Variants in KCNC1 observed in about 807,000 individuals in gnomAD.
KCNC1 encodes the protein potassium voltage-gated channel subfamily C member 1, also known as voltage-gated potassium channel KCNC1.
Under a neutral mutation model 43.4 loss-of-function variants are expected in KCNC1, and 8 were observed. That is an observed-to-expected ratio of 0.18 (90% confidence interval 0.11 to 0.33). The LOEUF (loss-of-function observed/expected upper bound fraction) is 0.33. Ranked by LOEUF, KCNC1 falls within the 10% of genes least tolerant of loss-of-function variation. KCNC1 has a pLI of 1.00. For missense variants in KCNC1, 420 were observed against 836.0 expected (o/e 0.50, Z 6.14); for synonymous variants, 361 against 360.5 (o/e 1.00, Z -0.01).
In KCNC1 at chr11:17,771,877, C is replaced by T. The variant is rs1849234156; in HGVS notation, c.783C>T (p.Leu261=). 3.7e-6 allele frequency: 6 copies of T among 1,614,242 alleles called. No individual in the cohort carries two copies. Among genetic ancestry groups the T allele is most frequent in the Non-Finnish European group, 3.4e-6 (4 of 1,180,040 alleles). The change falls in exon 2 of 4, where the codon CTC becomes CTT. Residue 261 remains leucine, a synonymous_variant. Transcript: ENST00000265969. This position sits in a 1 kb window ranked among gnomAD's most constrained non-coding sequence, Gnocchi z 4.7. ...VCVVWFTFEF[L]MRVIFCPNKV... is the part of the protein sequence containing the mutation. ...TGGTCTGGTTCACCTTCGAGTTCCT[C>T]ATGCGTGTCATCTTCTGCCCCAACA...
In KCNC1 at chr11:17,764,110, C is replaced by T. The variant is rs966991244; in HGVS notation, c.571-7555C>T. Among the ~76,000 whole-genome samples the T allele has an allele frequency of 3.6e-5, 5 of 140,246 alleles. No homozygotes were observed. The South Asian group carries it at 1.2e-3, about 33-fold the overall frequency. The allele number at this position is 140,246 out of a possible 152,430, so 92.0% of individuals were successfully genotyped here. ...ACTTGCATAGCCCCCCACACACCAC[C>T]ACACGTCTCCATAGACACACACACA... On this transcript the variant is annotated intron_variant, in intron 1 of 3. Coordinates refer to ENST00000265969, the MANE Select transcript of KCNC1 (RefSeq NM_001112741.2).
chr11:17,772,601 A>G lies in KCNC1; in HGVS notation c.1504+3A>G, dbSNP rs938417768. On this transcript the variant is annotated splice_donor_region_variant and intron_variant, in intron 2 of 3. Coordinates refer to ENST00000265969, the MANE Select transcript of KCNC1 (RefSeq NM_001112741.2). ...AATTTTAGAAATTAACAGAGCAGGT[A>G]GGAAACCTCTTAGAGGCATGTCGAT... 1.2e-6 allele frequency: 2 copies of G among 1,611,582 alleles called. No individual in the cohort carries two copies. Among genetic ancestry groups the G allele is most frequent in the African/African-American group, 2.7e-5 (2 of 74,928 alleles).
chr11:17,750,128 A>G (rs1269888286), intron 1 of KCNC1, among the ~76,000 whole-genome samples: 3 of 152,128 alleles, frequency 2.0e-5, no homozygotes, highest in Non-Finnish European at 4.4e-5. Context: ...CCTCGTGTGT[A>G]AGATTGGATG....
intron 1 of KCNC1, among the ~76,000 whole-genome samples, chr11:17,748,605 A>G (rs1264120708): frequency 6.6e-6 from 1 of 152,170 alleles, no homozygotes; most frequent in Admixed American, 6.5e-5. Flanking sequence ...CTAAAATAAA[A>G]TAATTTTTAA....
Position 17,773,574 on chromosome 11 carries a change from G to A in KCNC1, c.1504+976G>A, listed in dbSNP as rs1317225636. On this transcript the variant is annotated intron_variant, in intron 2 of 3. Coordinates refer to ENST00000265969, the MANE Select transcript of KCNC1 (RefSeq NM_001112741.2). This position sits in a 1 kb window ranked among gnomAD's most constrained non-coding sequence, Gnocchi z 4.1. ...CACTGGGGGCCGGGAGGGGGGAGGGGGGCATGAAACAATACTAGTCACCGT... is the reference window on the plus strand; with the variant it reads ...CACTGGGGGCCGGGAGGGGGGAGGGAGGCATGAAACAATACTAGTCACCGT... 3.0e-6 allele frequency: 3 copies of A among 984,974 alleles called. No homozygotes were observed. The highest frequency in any genetic ancestry group is 4.7e-5 in the South Asian group (1 of 21,238). The allele number at this position is 984,974 out of a possible 1,614,324, so 61.0% of individuals were successfully genotyped here. A position where few individuals can be genotyped will look rare whatever the true frequency, so the allele number is the denominator to read the frequency against.
chr11:17,745,705 C>A (rs897532971), intron 1 of KCNC1, among the ~76,000 whole-genome samples: 1 of 152,134 alleles, frequency 6.6e-6, no homozygotes, highest in Non-Finnish European at 1.5e-5. Flanking sequence ...TCCTCCCCAG[C>A]GCTGCCCATG....
chr11:17,762,311 G>A (rs897243852), intron 1 of KCNC1, among the ~76,000 whole-genome samples: 2 of 152,252 alleles, frequency 1.3e-5, no homozygotes, highest in African/African-American at 4.8e-5. Flanking sequence ...GAAGATTCTA[G>A]GCTTTTCTAC....
chr11:17,757,099 T>A (rs1849031370), intron 1 of KCNC1, among the ~76,000 whole-genome samples: 1 of 152,242 alleles, frequency 6.6e-6, no homozygotes, highest in African/African-American at 2.4e-5. Context: ...TGACCTCTGG[T>A]GAGCATGCTA....
Position 17,773,855 on chromosome 11 carries a change from G to A in KCNC1, c.1504+1257G>A, listed in dbSNP as rs1849257674. The A allele has an allele frequency of 2.0e-6, 2 of 985,388 alleles. No individual in the cohort carries two copies. The highest frequency in any genetic ancestry group is 1.2e-4 in the Admixed American group (2 of 16,270). The allele number at this position is 985,388 out of a possible 1,614,324, so 61.0% of individuals were successfully genotyped here. A position where few individuals can be genotyped will look rare whatever the true frequency, so the allele number is the denominator to read the frequency against. On this transcript the variant is annotated intron_variant, in intron 2 of 3. Coordinates refer to ENST00000265969, the MANE Select transcript of KCNC1 (RefSeq NM_001112741.2). The surrounding 1 kb of genome is among the most constrained non-coding windows in gnomAD (Gnocchi z 4.1). ...GGTGAGCAGGAGGTTGACGTGACAG[G>A]TGGCATTTAGTCTATGAAGGACCTC... is the stretch of plus-strand genomic sequence containing the variant.
At chr11:17,756,615 G>A (rs539826636) in intron 1 of KCNC1, among the ~76,000 whole-genome samples, 69 of 151,972 alleles carry the variant, frequency 4.5e-4, no homozygotes, top group Admixed American at 1.1e-3. Context: ...AGTGGGCACA[G>A]GAGGGAAATT....
At chr11:17,774,019 C>T in intron 2 of KCNC1, 1 of 985,524 alleles carries the variant, frequency 1.0e-6, no homozygotes, top group Non-Finnish European at 1.2e-6. Flanking sequence ...CCACCCCATC[C>T]CAATCCTCTT....
At chr11:17,749,179 C>A (rs6486396) in intron 1 of KCNC1, among the ~76,000 whole-genome samples, 107,536 of 152,206 alleles carry the variant, frequency 0.71, 38,581 homozygotes, top group East Asian at 0.98. Flanking sequence ...CCTCAGCTGT[C>A]AAGAGGGGAT....
chr11:17,737,115 C>T (rs916471740), intron 1 of KCNC1, among the ~76,000 whole-genome samples: 1 of 152,000 alleles, frequency 6.6e-6, no homozygotes, highest in South Asian at 2.1e-4. Context: ...ACAGACACCC[C>T]CTCCTCAGGG....
chr11:17,749,637 CGGCCACCTGCTG>C (rs1306433547), intron 1 of KCNC1, among the ~76,000 whole-genome samples: 1 of 152,252 alleles, frequency 6.6e-6, no homozygotes, highest in African/African-American at 2.4e-5. Flanking sequence ...GTGAGGAACA[CGGCCACCTGCTG>C]GGCCACCTGG....
At chr11:17,744,726 A>G (rs1848878533) in intron 1 of KCNC1, among the ~76,000 whole-genome samples, 1 of 151,814 alleles carries the variant, frequency 6.6e-6, no homozygotes, top group African/African-American at 2.4e-5. Context: ...GGCGCAGGGG[A>G]TGGGTGCTGT....
At chr11:17,772,854 A>C (rs754885468) in intron 2 of KCNC1, 23 of 1,338,828 alleles carry the variant, frequency 1.7e-5, no homozygotes, top group Non-Finnish European at 2.1e-5. Flanking sequence ...TGTTCTGAAG[A>C]GACAACGCGG....
At chr11:17,778,690 G>A (rs984439160) in intron 2 of KCNC1, among the ~76,000 whole-genome samples, 3 of 152,198 alleles carry the variant, frequency 2.0e-5, no homozygotes, top group African/African-American at 7.2e-5. Flanking sequence ...GAGACTGTGT[G>A]ACCAGGACTG....
Position 17,735,850 on chromosome 11 carries a change from C to T in KCNC1, c.-153C>T. On this transcript the variant is annotated 5_prime_UTR_variant, in exon 1 of 4. Coordinates refer to ENST00000265969, the MANE Select transcript of KCNC1 (RefSeq NM_001112741.2). This position sits in a 1 kb window ranked among gnomAD's most constrained non-coding sequence, Gnocchi z 6.7. ...AGCGCCCGGAGAGGCTTGGCTCGCT[C>T]GTTGGGGTGGCCAGAGCCGCAGGCC... 4.7e-6 allele frequency: 4 copies of T among 849,230 alleles called. No individual in the cohort carries two copies. Among genetic ancestry groups the T allele is most frequent in the Admixed American group, 3.9e-5 (1 of 25,410 alleles). The allele number at this position is 849,230 out of a possible 1,614,324, so 52.6% of individuals were successfully genotyped here.
In KCNC1 at chr11:17,773,623, G is replaced by A; in HGVS notation, c.1504+1025G>A. 1.0e-6 allele frequency: 1 copy of A among 985,402 alleles called. No individual in the cohort carries two copies. The highest frequency in any genetic ancestry group is 1.2e-6 in the Non-Finnish European group (1 of 829,938). 61.0% of individuals were successfully genotyped at this position (985,402 alleles called of 1,614,324 possible). Reference sequence around the variant, plus strand: ...GTGGGATATATTCTAATATTCCATGGCTAGTGGTTTGTTATGGGACTATCT... The same window carrying A: ...GTGGGATATATTCTAATATTCCATGACTAGTGGTTTGTTATGGGACTATCT... On this transcript the variant is annotated intron_variant, in intron 2 of 3. Transcript: ENST00000265969. The surrounding 1 kb of genome is among the most constrained non-coding windows in gnomAD (Gnocchi z 4.1).
Sources: allele counts gnomAD v4.1 joint callset (sites outside exome capture counted in the v4.1 genomes callset), GRCh38; gene constraint gnomAD v4.1.1; non-coding constraint Gnocchi (gnomAD v3.1); transcripts MANE v1.5; gene names NCBI Gene and HGNC (gene_info 2026-07-23, HGNC 2026-07-21).